Variants in CELF2 observed in about 807,000 individuals in gnomAD.
CELF2 encodes CUG triplet repeat RNA-binding protein 2.
A neutral mutation model predicts 62.6 loss-of-function variants in CELF2; 8 were observed. The ratio of observed to expected loss-of-function variants is 0.13; its 90% CI spans 0.07 to 0.23. The LOEUF (loss-of-function observed/expected upper bound fraction) is 0.23, where lower values mean the gene tolerates loss of function less well. Among genes scored for constraint, CELF2 ranks in the 10% least tolerant of loss-of-function variants. CELF2 has a pLI of 1.00. For missense variants in CELF2, 333 were observed against 671.0 expected (o/e 0.50, Z 5.56); for synonymous variants, 258 against 250.0 (o/e 1.03, Z -0.30).
chr10:10,566,726 C>T, the CELF2 span, among the ~76,000 whole-genome samples: 3 of 151,950 alleles, frequency 2.0e-5, no homozygotes, highest in Non-Finnish European at 2.9e-5. Context: ...ATCTTTTGTT[C>T]ACAACATATG....
intron 1 of CELF2, among the ~76,000 whole-genome samples, chr10:10,840,765 C>G (rs2058628172): frequency 6.6e-6 from 1 of 152,048 alleles, no homozygotes; most frequent in Non-Finnish European, 1.5e-5. Flanking sequence ...TGGTGGTTTG[C>G]TGCACCTATC....
chr10:11,288,408 C>A lies in CELF2; in HGVS notation c.842-10C>A. On this transcript the variant is annotated splice_polypyrimidine_tract_variant and intron_variant, in intron 8 of 12. Transcript: ENST00000633077. ...CTGTTGCTGAAAGTAACTTTCTCTT[C>A]CCTCCACAGGCATGAATGCTTTACA... The A allele has an allele frequency of 5.0e-6, 8 of 1,613,406 alleles. No individual in the cohort carries two copies. Among genetic ancestry groups the A allele is most frequent in the South Asian group, 1.1e-5 (1 of 90,986 alleles).
intron 1 of CELF2, among the ~76,000 whole-genome samples, chr10:11,052,206 G>C (rs1342322254): frequency 6.6e-6 from 1 of 152,160 alleles, no homozygotes; most frequent in African/African-American, 2.4e-5. Context: ...AAAGTGTGGG[G>C]ATTACAGCCA....
At chr10:10,463,460 A>G in the CELF2 span, among the ~76,000 whole-genome samples, 1 of 152,308 alleles carries the variant, frequency 6.6e-6, no homozygotes, top group South Asian at 2.1e-4. Context: ...AAGGTTACAT[A>G]TCCTACAATC....
intron 1 of CELF2, chr10:10,919,931 A>G: frequency 5.7e-6 from 7 of 1,222,296 alleles, no homozygotes; most frequent in Non-Finnish European, 7.1e-6. Context: ...AATAAACTTA[A>G]TCATACTTAT....
the CELF2 span, among the ~76,000 whole-genome samples, chr10:10,660,359 G>A: frequency 1.3e-5 from 2 of 152,174 alleles, no homozygotes; most frequent in Non-Finnish European, 2.9e-5. Flanking sequence ...GTGTGTGTTG[G>A]AGCAAAGGTC....
chr10:11,004,590 T>C (rs2054885597), upstream of CELF2, among the ~76,000 whole-genome samples: 1 of 152,158 alleles, frequency 6.6e-6, no homozygotes, highest in Non-Finnish European at 1.5e-5. The surrounding 1 kb of genome is among the most constrained non-coding windows in gnomAD (Gnocchi z 5.0). Flanking sequence ...AACTCATTGG[T>C]CTTTTGCAGA....
At chr10:10,523,087 G>A in the CELF2 span, among the ~76,000 whole-genome samples, 4 of 152,146 alleles carry the variant, frequency 2.6e-5, no homozygotes, top group Admixed American at 6.5e-5. Context: ...CCTATGGACC[G>A]TCAAATGTGT....
the CELF2 span, among the ~76,000 whole-genome samples, chr10:10,482,714 T>C: frequency 6.6e-6 from 1 of 152,210 alleles, no homozygotes; most frequent in African/African-American, 2.4e-5. Context: ...TTCCTACAGA[T>C]AGTAAACAAC....
the CELF2 span, among the ~76,000 whole-genome samples, chr10:10,614,751 C>T: frequency 6.6e-6 from 1 of 152,110 alleles, no homozygotes; most frequent in Admixed American, 6.5e-5. Context: ...TCCAGGTTTA[C>T]AAGCCACCGA....
rs115938355 is a variant in CELF2, at chr10:11,174,894, G to T, written c.271+9212G>T. 4.9e-3 allele frequency among the ~76,000 whole-genome samples: 745 copies of T among 152,260 alleles called. 13 individuals are homozygous for T. Among genetic ancestry groups the T allele is most frequent in the African/African-American group, 0.017 (697 of 41,534 alleles). On this transcript the variant is annotated intron_variant, in intron 2 of 12. Coordinates refer to ENST00000633077, the MANE Select transcript of CELF2 (RefSeq NM_001326342.2). ...AAAGAAATAACGCAAACATCAGGGA[G>T]GGGGAGGAGCAGAGGAAACAAGGCC...
chr10:10,880,649 G>A (rs981806773), intron 1 of CELF2, among the ~76,000 whole-genome samples: 2 of 152,134 alleles, frequency 1.3e-5, no homozygotes, highest in African/African-American at 4.8e-5. Context: ...CGAACAGACT[G>A]GGAAACACCA....
chr10:10,810,682 G>A (rs1322831420), intron 1 of CELF2, among the ~76,000 whole-genome samples: 1 of 152,160 alleles, frequency 6.6e-6, no homozygotes, highest in Non-Finnish European at 1.5e-5. Flanking sequence ...GGAGGTAACG[G>A]AAGGGAGAGG....
chr10:11,077,958 A>G (rs1211862395), intron 1 of CELF2, among the ~76,000 whole-genome samples: 1 of 152,178 alleles, frequency 6.6e-6, no homozygotes. Flanking sequence ...CTAAAGCCCA[A>G]AGTAATCCTT....
chr10:10,512,400 G>A, the CELF2 span, among the ~76,000 whole-genome samples: 52,466 of 137,404 alleles, frequency 0.38, 10,771 homozygotes, highest in Non-Finnish European at 0.45. Context: ...CTTTTGGAAC[G>A]CTTTTTTTTT....
intron 1 of CELF2, among the ~76,000 whole-genome samples, chr10:10,916,611 TTTG>T (rs900125432): frequency 2.6e-5 from 4 of 152,234 alleles, no homozygotes; most frequent in Non-Finnish European, 4.4e-5. Flanking sequence ...TGGAATTTCT[TTTG>T]TTGTTGTTGT....
At chr10:10,960,003 T>A (rs1052646646) in intron 2 of CELF2, 2 of 152,254 alleles carry the variant, frequency 1.3e-5, no homozygotes, top group African/African-American at 4.8e-5. Flanking sequence ...GCATCAGCTT[T>A]CAGGGTTCCT....
chr10:11,211,470 G>C lies in CELF2; in HGVS notation c.272-5955G>C, dbSNP rs190836414. 5.9e-5 allele frequency among the ~76,000 whole-genome samples: 9 copies of C among 152,176 alleles called. No individual in the cohort carries two copies. The East Asian group carries it at 1.7e-3, about 29-fold the overall frequency. ...CTGACCTCATATCATTGTCTAGAGT[G>C]GTGTCTACATTACCTCCACACTGAA... On this transcript the variant is annotated intron_variant, in intron 2 of 12. Transcript: ENST00000633077. The surrounding 1 kb of genome is among the most constrained non-coding windows in gnomAD (Gnocchi z 4.8).
chr10:10,761,904 C>A, the CELF2 span, among the ~76,000 whole-genome samples: 1 of 111,024 alleles, frequency 9.0e-6, no homozygotes, highest in Non-Finnish European at 1.8e-5. Flanking sequence ...TTATAATAAA[C>A]CGTGTGTGTG....
Sources: gnomAD v4.1 joint callset for allele counts (sites outside exome capture counted in the v4.1 genomes callset) on GRCh38, gnomAD v4.1.1 for gene constraint, Gnocchi (gnomAD v3.1) non-coding constraint, MANE v1.5 for transcripts, NCBI Gene and HGNC (gene_info 2026-07-23, HGNC 2026-07-21) for gene names.